The following NRG1 variants were observed in gnomAD, a reference collection of about 807,000 sequenced individuals.
The protein encoded by NRG1 is neuregulin 1.
In NRG1, 18 loss-of-function variants were observed where a neutral mutation model predicts 63.8. The ratio of observed to expected loss-of-function variants is 0.28; its 90% CI spans 0.19 to 0.42. The LOEUF is 0.42. Among genes scored for constraint, NRG1 ranks in the 10% least tolerant of loss-of-function variants. NRG1 has a pLI of 1.00. For missense variants in NRG1, 762 were observed against 814.7 expected, an observed-to-expected ratio of 0.94 and a Z score of 0.79; for synonymous variants, 302 against 301.3, an observed-to-expected ratio of 1.00 and a Z score of -0.02.
chr8:32,279,920 C>G (rs1852521251), intron 1 of NRG1, among the ~76,000 whole-genome samples: 1 of 152,182 alleles, frequency 6.6e-6, no homozygotes, highest in Admixed American at 6.5e-5. Flanking sequence ...AGCTGGCAGT[C>G]CTCCTTGATT....
chr8:32,681,701 G>A (rs1223317025), intron 5 of NRG1, among the ~76,000 whole-genome samples: 5 of 152,050 alleles, frequency 3.3e-5, no homozygotes, highest in African/African-American at 9.7e-5. Context: ...TTGGAATATC[G>A]TCACTTGTAC....
At chr8:32,625,683 A>G (rs942652703) in intron 5 of NRG1, among the ~76,000 whole-genome samples, 1 of 152,160 alleles carries the variant, frequency 6.6e-6, no homozygotes, top group African/African-American at 2.4e-5. Flanking sequence ...CTTAAGGTCA[A>G]ATAGCAAGTG....
chr8:32,417,664 T>C (rs1816109098), intron 1 of NRG1, among the ~76,000 whole-genome samples: 1 of 151,580 alleles, frequency 6.6e-6, no homozygotes, highest in Non-Finnish European at 1.5e-5. Context: ...CAAACTTTCT[T>C]TTTGGTCTTT....
At chr8:32,518,918 A>G (rs1023535770) in intron 1 of NRG1, among the ~76,000 whole-genome samples, 2 of 152,228 alleles carry the variant, frequency 1.3e-5, no homozygotes, top group Non-Finnish European at 2.9e-5. Flanking sequence ...CTAGTAGACT[A>G]CTGGATACAA....
At chr8:32,630,958 G>C (rs576934342) in intron 5 of NRG1, among the ~76,000 whole-genome samples, 1 of 152,166 alleles carries the variant, frequency 6.6e-6, no homozygotes, top group East Asian at 1.9e-4. Flanking sequence ...GTAGCATTTT[G>C]TGTCTGGGTT....
At chr8:32,144,137 A>T (rs1836604644) in intron 1 of NRG1, among the ~76,000 whole-genome samples, 1 of 152,238 alleles carries the variant, frequency 6.6e-6, no homozygotes, top group Non-Finnish European at 1.5e-5. Context: ...ACACAGAGGC[A>T]TCTGGAGACT....
chr8:31,854,060 G>C (rs1827557921), intron 1 of NRG1, among the ~76,000 whole-genome samples: 1 of 150,938 alleles, frequency 6.6e-6, no homozygotes, highest in Non-Finnish European at 1.5e-5. Flanking sequence ...CAAGGATATT[G>C]GTCTAAAATT....
chr8:31,757,225 G>A (rs868667603), intron 1 of NRG1, among the ~76,000 whole-genome samples: 2 of 151,970 alleles, frequency 1.3e-5, no homozygotes, highest in African/African-American at 2.4e-5. Context: ...CAAAAGGTGG[G>A]TAAAGATAAG....
At chr8:31,949,803 C>A (rs1227125897) in intron 1 of NRG1, among the ~76,000 whole-genome samples, 1 of 152,178 alleles carries the variant, frequency 6.6e-6, no homozygotes, top group African/African-American at 2.4e-5. Context: ...CCCTGGATAT[C>A]TCTCAGTATC....
chr8:32,623,257 C>T (rs971968768), intron 5 of NRG1, among the ~76,000 whole-genome samples: 1 of 152,114 alleles, frequency 6.6e-6, no homozygotes, highest in Non-Finnish European at 1.5e-5. Context: ...GGAATTTAGA[C>T]CCATGGCTCT....
chr8:31,911,762 G>C (rs143090651), intron 1 of NRG1, among the ~76,000 whole-genome samples: 19 of 152,278 alleles, frequency 1.2e-4, no homozygotes, highest in African/African-American at 4.6e-4. Flanking sequence ...TCATGAGAAA[G>C]AATCACGTTC....
intron 1 of NRG1, among the ~76,000 whole-genome samples, chr8:32,475,166 C>A (rs1271222844): frequency 6.6e-6 from 1 of 152,112 alleles, no homozygotes; most frequent in African/African-American, 2.4e-5. Flanking sequence ...TTGTCTCCTA[C>A]CTTAGAAAGT....
At chr8:32,769,521 G>A (rs1256058569), downstream of NRG1, among the ~76,000 whole-genome samples, 1 of 152,132 alleles carries the variant, frequency 6.6e-6, no homozygotes, top group African/African-American at 2.4e-5. Flanking sequence ...TTCACAATTT[G>A]GGGTTATAAG....
intron 1 of NRG1, among the ~76,000 whole-genome samples, chr8:32,336,396 C>A (rs529536167): frequency 6.0e-4 from 92 of 152,116 alleles, no homozygotes; most frequent in African/African-American, 2.1e-3. Context: ...GAGGTCGTTT[C>A]CAAAACCCTC....
chr8:31,813,516 C>CTTTTCTTTTCTTT, intron 1 of NRG1, among the ~76,000 whole-genome samples: 24 of 101,218 alleles, frequency 2.4e-4, no homozygotes, highest in East Asian at 3.6e-4. Flanking sequence ...CTTTTCTTTT[C>CTTTTCTTTTCTTT]TTTTTTTTTT....
At chr8:31,755,700 G>A (rs1270754442) in intron 1 of NRG1, among the ~76,000 whole-genome samples, 2 of 151,958 alleles carry the variant, frequency 1.3e-5, no homozygotes, top group Admixed American at 1.3e-4. Flanking sequence ...CTATATCTGG[G>A]GCATGGGGTT....
chr8:32,767,994 T>C (rs951374203), downstream of NRG1: 1 of 152,228 alleles, frequency 6.6e-6, no homozygotes, highest in Non-Finnish European at 1.5e-5. Context: ...ACAGCTTCAG[T>C]CTGTTAGACC....
intron 1 of NRG1, among the ~76,000 whole-genome samples, chr8:32,318,356 G>A (rs948518836): frequency 6.6e-6 from 1 of 152,120 alleles, no homozygotes; most frequent in Non-Finnish European, 1.5e-5. Context: ...ATAGAGATTT[G>A]AAATATATTT....
intron 1 of NRG1, among the ~76,000 whole-genome samples, chr8:32,274,556 A>G (rs1851890699): frequency 6.6e-6 from 1 of 152,172 alleles, no homozygotes; most frequent in African/African-American, 2.4e-5. Context: ...AACATTTACA[A>G]CACACACTTT....
Sources: gnomAD v4.1 joint callset for allele counts (sites outside exome capture counted in the v4.1 genomes callset) on GRCh38, gnomAD v4.1.1 for gene constraint, MANE v1.5 for transcripts, NCBI Gene and HGNC (gene_info 2026-07-23, HGNC 2026-07-21) for gene names.